RABGAP1L: variants seen among roughly 807,000 people sequenced by gnomAD.
The protein encoded by RABGAP1L is RAB GTPase activating protein 1 like.
A neutral mutation model predicts 137.7 loss-of-function variants in RABGAP1L; 63 were observed. The observed-to-expected ratio is 0.46, with a 90% CI of 0.37 to 0.56. The LOEUF (loss-of-function observed/expected upper bound fraction) is 0.56. Ranked by LOEUF, RABGAP1L falls within the 20% of genes least tolerant of loss-of-function variation. The probability of loss-of-function intolerance (pLI) is 0.00; values close to 1 mark genes in which losing one functional copy is unlikely to be tolerated. For missense variants in RABGAP1L, 1,095 were observed against 1,244.0 expected, an observed-to-expected ratio of 0.88 and a Z score of 1.80; for synonymous variants, 431 against 433.7, an observed-to-expected ratio of 0.99 and a Z score of 0.08.
chr1:174,329,142 T>G (rs1311032172), intron 11 of RABGAP1L, among the ~76,000 whole-genome samples: 2 of 150,894 alleles, frequency 1.3e-5, no homozygotes, highest in Non-Finnish European at 3.0e-5. Context: ...AAATTAGAAA[T>G]GAAAAAGGAA....
intron 19 of RABGAP1L, among the ~76,000 whole-genome samples, chr1:174,911,117 A>AT (rs1659983161): frequency 6.6e-6 from 1 of 152,006 alleles, no homozygotes; most frequent in African/African-American, 2.4e-5. Flanking sequence ...ATCTATTCAG[A>AT]TTTTTTACCT....
In RABGAP1L at chr1:174,667,167, T is replaced by G. The variant is rs333424; in HGVS notation, c.1825-16355T>G. Among the ~76,000 whole-genome samples the G allele has an allele frequency of 2.8e-3, 427 of 152,276 alleles. 4 individuals carry two copies. Among genetic ancestry groups the G allele is most frequent in the African/African-American group, 9.8e-3 (409 of 41,562 alleles). ...TAATGAAATTAAAAGTCCTCCTTTCTAAGCCCAGAAGACAGAAAATGAAAA... is the reference window on the plus strand; with the variant it reads ...TAATGAAATTAAAAGTCCTCCTTTCGAAGCCCAGAAGACAGAAAATGAAAA... On this transcript the variant is annotated intron_variant, in intron 14 of 25. Transcript: ENST00000681986.
chr1:174,312,296 A>T (rs533662105), intron 11 of RABGAP1L, among the ~76,000 whole-genome samples: 31 of 152,172 alleles, frequency 2.0e-4, no homozygotes, highest in Non-Finnish European at 3.8e-4. Context: ...AACTGGGGTG[A>T]GATGATATCT....
chr1:174,330,071 GAAATA>G (rs1680894869), intron 11 of RABGAP1L, among the ~76,000 whole-genome samples: 1 of 152,176 alleles, frequency 6.6e-6, no homozygotes, highest in African/African-American at 2.4e-5. Context: ...GCAAGAGAAA[GAAATA>G]AAAGGCACCC....
At position 174,465,981 on chromosome 1, in the gene RABGAP1L, C is replaced by T. The variant is rs116331737; in HGVS notation, c.1710+71836C>T. ...TAGACCTTTTGCAGTTATCGTTAGC[C>T]GCAGTATTCTCTTGCTCAGTGTGCT... is the stretch of plus-strand genomic sequence containing the variant. On this transcript the variant is annotated intron_variant, in intron 13 of 25. Transcript: ENST00000681986. Among the ~76,000 whole-genome samples the T allele has an allele frequency of 6.9e-3, 1,052 of 152,248 alleles. 14 individuals carry two copies. The highest frequency in any genetic ancestry group is 0.024 in the African/African-American group (989 of 41,536).
chr1:174,728,542 C>T (rs59781000), intron 17 of RABGAP1L, among the ~76,000 whole-genome samples: 9,511 of 150,678 alleles, frequency 0.063, 1,047 homozygotes, highest in African/African-American at 0.22. Flanking sequence ...TATGGCCATA[C>T]TGTGCAAAGT....
intron 13 of RABGAP1L, among the ~76,000 whole-genome samples, chr1:174,586,251 A>T (rs924564707): frequency 6.6e-6 from 1 of 152,160 alleles, no homozygotes; most frequent in African/African-American, 2.4e-5. Context: ...GGAAGCCATT[A>T]TCCTCAGCAA....
At chr1:174,609,663 A>G (rs1444299860) in intron 13 of RABGAP1L, among the ~76,000 whole-genome samples, 1 of 152,222 alleles carries the variant, frequency 6.6e-6, no homozygotes, top group Non-Finnish European at 1.5e-5. Flanking sequence ...TTTCTGTGAA[A>G]AAGTTAACAT....
At chr1:174,530,161 C>T (rs929964927) in intron 13 of RABGAP1L, among the ~76,000 whole-genome samples, 2 of 147,088 alleles carry the variant, frequency 1.4e-5, no homozygotes, top group Non-Finnish European at 3.0e-5. Context: ...TCTCCAGTGG[C>T]AAGGCAGCAG....
chr1:174,451,172 G>A (rs1027768707), intron 13 of RABGAP1L, among the ~76,000 whole-genome samples: 4 of 152,256 alleles, frequency 2.6e-5, no homozygotes, highest in Admixed American at 6.5e-5. Context: ...TGGCATCTTG[G>A]TTTAAATGTG....
At chr1:174,551,817 G>A (rs74687045) in intron 13 of RABGAP1L, among the ~76,000 whole-genome samples, 47 of 152,034 alleles carry the variant, frequency 3.1e-4, no homozygotes, top group Middle Eastern at 3.4e-3. Context: ...AAGAAGGGAA[G>A]GCCTGAATCA....
At chr1:174,713,021 C>T (rs1680699206) in intron 17 of RABGAP1L, among the ~76,000 whole-genome samples, 1 of 152,226 alleles carries the variant, frequency 6.6e-6, no homozygotes, top group South Asian at 2.1e-4. Context: ...AAATGCCTCT[C>T]CTGATTTAGG....
intron 12 of RABGAP1L, among the ~76,000 whole-genome samples, chr1:174,383,218 C>T (rs909215085): frequency 7.9e-5 from 12 of 151,258 alleles, no homozygotes; most frequent in African/African-American, 2.7e-4. Flanking sequence ...ACATTTAAGT[C>T]TGCAGAGGTT....
intron 19 of RABGAP1L, among the ~76,000 whole-genome samples, chr1:174,936,548 C>T (rs1030233117): frequency 2.0e-5 from 3 of 151,940 alleles, no homozygotes; most frequent in Non-Finnish European, 4.4e-5. Flanking sequence ...GAGCCATGAG[C>T]ATGTCACTGT....
intron 19 of RABGAP1L, among the ~76,000 whole-genome samples, chr1:174,858,050 C>T (rs535961704): frequency 6.6e-6 from 1 of 152,110 alleles, no homozygotes; most frequent in East Asian, 1.9e-4. Context: ...TAGGCAGGGT[C>T]TCACTTTGTA....
chr1:174,686,858 A>G (rs943123186), intron 15 of RABGAP1L, among the ~76,000 whole-genome samples: 7 of 151,260 alleles, frequency 4.6e-5, no homozygotes, highest in Non-Finnish European at 1.0e-4. Context: ...ACAGAGTTTC[A>G]CCATGTTAGC....
intron 1 of RABGAP1L, among the ~76,000 whole-genome samples, chr1:174,165,430 G>A (rs977908629): frequency 2.0e-5 from 3 of 152,090 alleles, no homozygotes; most frequent in East Asian, 1.9e-4. Flanking sequence ...GATTACAGGC[G>A]TGAGCCACCG....
chr1:174,523,669 A>G (rs1315478284), intron 13 of RABGAP1L, among the ~76,000 whole-genome samples: 1 of 152,204 alleles, frequency 6.6e-6, no homozygotes, highest in African/African-American at 2.4e-5. Flanking sequence ...GTTTTGAAAT[A>G]TATGATAATA....
At chr1:174,349,339 C>A (rs1176643205) in intron 11 of RABGAP1L, among the ~76,000 whole-genome samples, 4 of 121,246 alleles carry the variant, frequency 3.3e-5, no homozygotes, top group Admixed American at 2.3e-4. Context: ...CGGATGGGGC[C>A]ACTGGCCGGG....
Sources: allele counts gnomAD v4.1 joint callset (sites outside exome capture counted in the v4.1 genomes callset), GRCh38; gene constraint gnomAD v4.1.1; transcripts MANE v1.5; gene names NCBI Gene and HGNC (gene_info 2026-07-23, HGNC 2026-07-21).